Variants in UBE3C observed in about 807,000 individuals in gnomAD.
The protein encoded by UBE3C is ubiquitin-protein ligase E3C.
In UBE3C, 42 loss-of-function variants were observed where a neutral mutation model predicts 129.4. That is an observed-to-expected ratio of 0.32 (90% CI 0.25 to 0.42). The LOEUF (loss-of-function observed/expected upper bound fraction) is 0.42, where lower values mean the gene tolerates loss of function less well. UBE3C is among the 10% of genes least tolerant of loss of function. UBE3C has a pLI of 1.00. For missense variants in UBE3C, 1,049 were observed against 1,319.1 expected (o/e 0.80, Z 3.17); for synonymous variants, 510 against 492.4 (o/e 1.04, Z -0.47).
chr7:157,232,799 G>T (rs916485518), intron 18 of UBE3C, among the ~76,000 whole-genome samples: 8 of 152,156 alleles, frequency 5.3e-5, no homozygotes, highest in African/African-American at 7.2e-5. Context: ...ATAGTGCATG[G>T]AGTCGCCTGT....
At chr7:157,155,145 T>C (rs1162048605) in intron 1 of UBE3C, among the ~76,000 whole-genome samples, 2 of 152,168 alleles carry the variant, frequency 1.3e-5, no homozygotes, top group East Asian at 3.8e-4. Flanking sequence ...TTCATAGAGA[T>C]TCTTATTTCA....
intron 18 of UBE3C, among the ~76,000 whole-genome samples, chr7:157,241,711 A>C (rs1198475697): frequency 6.6e-6 from 1 of 152,228 alleles, no homozygotes; most frequent in Non-Finnish European, 1.5e-5. Flanking sequence ...CTTGCACACA[A>C]ATTCTCACAA....
intron 2 of UBE3C, chr7:157,164,355 C>T: frequency 2.2e-6 from 1 of 456,508 alleles, no homozygotes; most frequent in Non-Finnish European, 4.4e-6. Flanking sequence ...TAGGGTCTTG[C>T]TTTGCTGCCG....
In UBE3C at chr7:157,178,833, A is replaced by G. The variant is rs765647551; in HGVS notation, c.602A>G (p.Tyr201Cys). The change falls in exon 6 of 23, where the codon TAC (tyrosine) becomes TGC (cysteine). Residue 201 changes from tyrosine to cysteine, a missense_variant. By Grantham distance (194) the Tyr-to-Cys change is radical. Around this residue, in one of 4 missense-constraint regions of UBE3C, gnomAD observed 489 missense variants for 513.8 expected, o/e 0.95. Coordinates refer to ENST00000348165, the MANE Select transcript of UBE3C (RefSeq NM_014671.3). ...VVSVIEQILH[Y>C]MIHNGYYRSL... ...TCAGTGATTGAACAAATTTTGCACTACATGATTCACAATGGTAAGTAGTAG... is the reference window on the plus strand; with the variant it reads ...TCAGTGATTGAACAAATTTTGCACTGCATGATTCACAATGGTAAGTAGTAG... 3.8e-5 allele frequency: 61 copies of G among 1,614,030 alleles called. No individual in the cohort carries two copies. Among genetic ancestry groups the G allele is most frequent in the Non-Finnish European group, 5.1e-5 (60 of 1,180,010 alleles).
chr7:157,146,593 C>A (rs777643309), intron 1 of UBE3C, among the ~76,000 whole-genome samples: 1 of 152,190 alleles, frequency 6.6e-6, no homozygotes, highest in African/African-American at 2.4e-5. Context: ...TTTGTCAATA[C>A]CATACCATCT....
At chr7:157,190,196 T>G (rs1309796016) in intron 10 of UBE3C, among the ~76,000 whole-genome samples, 2 of 152,252 alleles carry the variant, frequency 1.3e-5, no homozygotes, top group African/African-American at 4.8e-5. Flanking sequence ...GTCTTTAGTT[T>G]AAGTAACTTT....
chr7:157,172,722 A>G (rs983237548), intron 4 of UBE3C, among the ~76,000 whole-genome samples: 1 of 152,182 alleles, frequency 6.6e-6, no homozygotes, highest in African/African-American at 2.4e-5. Context: ...AAAGAATCAG[A>G]ATAGTACAAC....
chr7:157,229,071 G>A (rs1185181756), intron 17 of UBE3C, among the ~76,000 whole-genome samples: 2 of 152,278 alleles, frequency 1.3e-5, no homozygotes, highest in South Asian at 2.1e-4. Context: ...CAGCGCATGG[G>A]GCCTGTGAAA....
At chr7:157,266,708 A>G (rs1360994805) in intron 22 of UBE3C, among the ~76,000 whole-genome samples, 1 of 152,236 alleles carries the variant, frequency 6.6e-6, no homozygotes, top group Non-Finnish European at 1.5e-5. Context: ...AATAGCTTGT[A>G]CAGGAAAGAT....
At chr7:157,171,304 T>G (rs1808360184) in intron 4 of UBE3C, among the ~76,000 whole-genome samples, 3 of 151,966 alleles carry the variant, frequency 2.0e-5, no homozygotes, top group Non-Finnish European at 2.9e-5. Flanking sequence ...ATTTTTGTAT[T>G]TTTAGTAGAG....
intron 9 of UBE3C, among the ~76,000 whole-genome samples, chr7:157,184,563 G>A (rs911771701): frequency 2.6e-5 from 4 of 151,970 alleles, no homozygotes; most frequent in Non-Finnish European, 5.9e-5. Context: ...GAATTTAACC[G>A]CCAATGACTT....
At chr7:157,193,826 A>C (rs1379688322) in intron 10 of UBE3C, among the ~76,000 whole-genome samples, 1 of 152,210 alleles carries the variant, frequency 6.6e-6, no homozygotes, top group Non-Finnish European at 1.5e-5. Flanking sequence ...CAGTAGTAAA[A>C]ATAATTCATG....
At chr7:157,219,102 A>G (rs1290267697) in intron 14 of UBE3C, among the ~76,000 whole-genome samples, 1 of 152,196 alleles carries the variant, frequency 6.6e-6, no homozygotes, top group African/African-American at 2.4e-5. Context: ...GCTCTGGTGA[A>G]GGAGATGACC....
rs907996338 is a variant in UBE3C, at chr7:157,268,991, A to G, written c.*1236A>G. ...GAGGCTCTGTGGGCTGTCATAGTTAATTGACCATAATTAGCAATATACTTT... is the reference window on the plus strand; with the variant it reads ...GAGGCTCTGTGGGCTGTCATAGTTAGTTGACCATAATTAGCAATATACTTT... On this transcript the variant is annotated 3_prime_UTR_variant, in exon 23 of 23. Coordinates refer to ENST00000348165, the MANE Select transcript of UBE3C (RefSeq NM_014671.3). The G allele has an allele frequency of 6.6e-6, 1 of 152,656 alleles. No individual in the cohort carries two copies. The highest frequency in any genetic ancestry group is 1.5e-5 in the Non-Finnish European group (1 of 68,048). The allele number at this position is 152,656 out of a possible 1,614,324, so 9.5% of individuals were successfully genotyped here.
intron 18 of UBE3C, among the ~76,000 whole-genome samples, chr7:157,246,240 G>A (rs1796473583): frequency 6.6e-6 from 1 of 152,112 alleles, no homozygotes; most frequent in Non-Finnish European, 1.5e-5. Flanking sequence ...CTACACATAC[G>A]AAGTAGATTA....
chr7:157,225,364 G>A (rs1037371718), intron 16 of UBE3C, 43 bp from the exon 17 acceptor site: 4 of 1,569,004 alleles, frequency 2.5e-6, no homozygotes, highest in Non-Finnish European at 3.4e-6. Context: ...GTTGTAAGAG[G>A]TCTTTTGTTT....
At chr7:157,144,600 C>A (rs571766063) in intron 1 of UBE3C, among the ~76,000 whole-genome samples, 2 of 151,768 alleles carry the variant, frequency 1.3e-5, no homozygotes, top group Non-Finnish European at 2.9e-5. Context: ...GTTTGTAGAC[C>A]GGAGGAACTG....
intron 10 of UBE3C, among the ~76,000 whole-genome samples, chr7:157,191,381 C>G (rs1377698760): frequency 6.6e-6 from 1 of 152,236 alleles, no homozygotes; most frequent in Non-Finnish European, 1.5e-5. Flanking sequence ...AACCCCGCCT[C>G]CCAGGCTCAG....
intron 18 of UBE3C, 126 bp from the exon 19 acceptor site, chr7:157,248,242 C>T (rs551128107): frequency 1.5e-5 from 13 of 840,370 alleles, no homozygotes; most frequent in African/African-American, 8.6e-5. Context: ...CTTCCATCTT[C>T]GGTACTATGA....
Sources: gnomAD v4.1 joint callset for allele counts (sites outside exome capture counted in the v4.1 genomes callset) on GRCh38, gnomAD v4.1.1 for gene constraint, gnomAD v4.1.1 regional missense constraint, MANE v1.5 for transcripts, NCBI Gene and HGNC (gene_info 2026-07-23, HGNC 2026-07-21) for gene names.